SLIT3: variants seen among roughly 807,000 people sequenced by gnomAD.
SLIT3 encodes slit homolog 3 protein.
SLIT3 carries 68 observed loss-of-function variants against 184.0 expected under a neutral mutation model. That is an observed-to-expected ratio of 0.37 (90% CI 0.30 to 0.45). The LOEUF is 0.45. SLIT3 is among the 20% of genes least tolerant of loss of function. The pLI is 1.00. For synonymous variants in SLIT3, 831 were observed against 828.6 expected (o/e 1.00, Z -0.05); for missense variants, 1,707 against 2,026.0 (o/e 0.84, Z 3.02).
intron 4 of SLIT3, among the ~76,000 whole-genome samples, chr5:169,148,667 G>A (rs923947603): frequency 1.3e-5 from 2 of 152,088 alleles, no homozygotes; most frequent in African/African-American, 2.4e-5. Flanking sequence ...CCCTGACCTC[G>A]GTTATGTGTT....
At chr5:169,142,829 C>T (rs987252237) in intron 4 of SLIT3, among the ~76,000 whole-genome samples, 17 of 152,202 alleles carry the variant, frequency 1.1e-4, no homozygotes, top group Non-Finnish European at 2.1e-4. Context: ...AATTGGTCCA[C>T]GTGATAGGCA....
chr5:169,085,041 C>T (rs1759234574), intron 4 of SLIT3, among the ~76,000 whole-genome samples: 1 of 152,222 alleles, frequency 6.6e-6, no homozygotes, highest in African/African-American at 2.4e-5. Flanking sequence ...ACAGCAGCAA[C>T]ACGTGGAGGA....
intron 33 of SLIT3, among the ~76,000 whole-genome samples, chr5:168,671,854 G>A (rs1041180014): frequency 2.0e-5 from 3 of 152,134 alleles, no homozygotes; most frequent in Admixed American, 2.0e-4. Flanking sequence ...ATAACCTGCT[G>A]TCCCCACCAG....
At chr5:169,297,245 AGTT>A (rs1334668444) in intron 1 of SLIT3, among the ~76,000 whole-genome samples, 4 of 152,172 alleles carry the variant, frequency 2.6e-5, no homozygotes, top group Admixed American at 1.3e-4. Flanking sequence ...AATTGTCAGT[AGTT>A]TATAAAAGAC....
intron 3 of SLIT3, among the ~76,000 whole-genome samples, chr5:169,227,618 G>A (rs946872532): frequency 2.0e-5 from 3 of 152,150 alleles, no homozygotes; most frequent in African/African-American, 7.2e-5. Flanking sequence ...AGTAGAGGCA[G>A]GGTTTCACCG....
chr5:168,862,799 C>G (rs542217383), intron 5 of SLIT3, among the ~76,000 whole-genome samples: 16 of 152,182 alleles, frequency 1.1e-4, no homozygotes, highest in African/African-American at 3.1e-4. Flanking sequence ...TTCAGCTTCC[C>G]GAGTAGCTGG....
chr5:168,714,575 C>G (rs1430365756), intron 23 of SLIT3, among the ~76,000 whole-genome samples: 1 of 152,128 alleles, frequency 6.6e-6, no homozygotes, highest in Non-Finnish European at 1.5e-5. Flanking sequence ...AAGAGTGAAA[C>G]TCCATCACAA....
At chr5:169,143,568 G>A (rs1761816923) in intron 4 of SLIT3, among the ~76,000 whole-genome samples, 1 of 152,244 alleles carries the variant, frequency 6.6e-6, no homozygotes, top group Admixed American at 6.5e-5. Context: ...GGAGGCCGAG[G>A]TGGGTGGATG....
chr5:168,903,247 G>A (rs190558335), intron 4 of SLIT3, among the ~76,000 whole-genome samples: 4 of 152,156 alleles, frequency 2.6e-5, no homozygotes, highest in East Asian at 1.9e-4. Context: ...GGGATAAGCC[G>A]TGAGTCTCCA....
chr5:168,849,045 A>G (rs946785799), intron 5 of SLIT3, among the ~76,000 whole-genome samples: 5 of 152,198 alleles, frequency 3.3e-5, no homozygotes, highest in Non-Finnish European at 5.9e-5. Context: ...AGAGATAAAG[A>G]AAGAAGGAAA....
Position 168,919,151 on chromosome 5 carries a change from T to G in SLIT3, c.414-35815A>C, listed in dbSNP as rs1276589582. ...GGCGGGTGCCTGTAGTCCCAGCTAC[T>G]CGAGAGGCTGAGGCAAGAGAATGGC... On this transcript the variant is annotated intron_variant, in intron 4 of 35. Transcript: ENST00000519560. Among the ~76,000 whole-genome samples the G allele has an allele frequency of 2.0e-5, 3 of 151,470 alleles. No homozygotes were observed. In the East Asian group the frequency reaches 5.8e-4, roughly 30 times the overall value.
rs80096656 is a variant in SLIT3, at chr5:169,296,783, C to T, written c.197+3730G>A. On this transcript the variant is annotated intron_variant, in intron 1 of 35. Transcript: ENST00000519560. ...TTTCAGCCTTTCGCCCGTTCTCCTT[C>T]GCAAACAGGAAATGTTTATTTAAAT... is the stretch of plus-strand genomic sequence containing the variant. Among the ~76,000 whole-genome samples, 808 of 152,340 alleles carry T rather than the reference C, an allele frequency of 5.3e-3. 8 individuals are homozygous for T. Among genetic ancestry groups the T allele is most frequent in the African/African-American group, 0.018 (764 of 41,566 alleles).
intron 4 of SLIT3, among the ~76,000 whole-genome samples, chr5:169,165,209 C>G (rs568548849): frequency 4.6e-5 from 7 of 152,286 alleles, no homozygotes; most frequent in African/African-American, 1.7e-4. Context: ...GCAATTTACA[C>G]AAAAGTATGA....
At chr5:169,096,522 G>A (rs908112834) in intron 4 of SLIT3, among the ~76,000 whole-genome samples, 1 of 152,218 alleles carries the variant, frequency 6.6e-6, no homozygotes, top group Non-Finnish European at 1.5e-5. Flanking sequence ...AAATAAGTGA[G>A]TGTGGCTGTA....
intron 3 of SLIT3, among the ~76,000 whole-genome samples, chr5:169,204,365 A>G (rs966920849): frequency 6.6e-6 from 1 of 152,138 alleles, no homozygotes; most frequent in African/African-American, 2.4e-5. Flanking sequence ...AGAGTGGGGG[A>G]AAATAAAAAG....
intron 27 of SLIT3, among the ~76,000 whole-genome samples, 180 bp from the exon 28 acceptor site, chr5:168,696,611 C>T (rs936807745): frequency 6.6e-5 from 10 of 152,108 alleles, no homozygotes; most frequent in African/African-American, 1.7e-4. Context: ...CCCTTAGGAA[C>T]CTAAAAGGTC....
At chr5:169,129,288 A>C (rs1761198794) in intron 4 of SLIT3, among the ~76,000 whole-genome samples, 1 of 152,178 alleles carries the variant, frequency 6.6e-6, no homozygotes, top group East Asian at 1.9e-4. Flanking sequence ...GTGGTGGCTC[A>C]TGCCTGTAAT....
At chr5:168,912,652 A>G (rs919323919) in intron 4 of SLIT3, among the ~76,000 whole-genome samples, 1 of 152,226 alleles carries the variant, frequency 6.6e-6, no homozygotes, top group African/African-American at 2.4e-5. Flanking sequence ...TTACAAACAT[A>G]CTGAACACTG....
intron 1 of SLIT3, among the ~76,000 whole-genome samples, chr5:169,258,273 G>A (rs900730222): frequency 5.3e-5 from 8 of 152,110 alleles, no homozygotes; most frequent in African/African-American, 1.9e-4. Context: ...ACTGCATCAG[G>A]TTATCCACTG....
Sources: allele counts gnomAD v4.1 joint callset (sites outside exome capture counted in the v4.1 genomes callset), GRCh38; gene constraint gnomAD v4.1.1; transcripts MANE v1.5; gene names NCBI Gene and HGNC (gene_info 2026-07-23, HGNC 2026-07-21).